The following ZNF892 variants were observed in gnomAD, a reference collection of about 807,000 sequenced individuals.
ZNF892 encodes zinc finger protein 570-like.
chr2:95,229,259 C>T, the ZNF892 span, among the ~76,000 whole-genome samples: 1 of 152,106 alleles, frequency 6.6e-6, no homozygotes. Flanking sequence ...CACTATGGGT[C>T]CATGGATTCC....
the ZNF892 span, among the ~76,000 whole-genome samples, chr2:95,252,674 A>G: frequency 3.9e-5 from 6 of 152,172 alleles, no homozygotes; most frequent in African/African-American, 1.4e-4. Flanking sequence ...GACTTCTACA[A>G]TGGTTGAACT....
the ZNF892 span, among the ~76,000 whole-genome samples, chr2:95,223,462 G>A: frequency 6.6e-6 from 1 of 152,048 alleles, no homozygotes; most frequent in Non-Finnish European, 1.5e-5. Flanking sequence ...GTGGTGGTGC[G>A]ATTTTGGCTC....
At chr2:95,211,799 T>A in the ZNF892 span, 8 of 397,922 alleles carry the variant, frequency 2.0e-5, no homozygotes, top group East Asian at 2.1e-4. Context: ...AGCTCCAAGG[T>A]CCTTATATTC....
the ZNF892 span, among the ~76,000 whole-genome samples, chr2:95,210,071 ATATATATG>A: frequency 9.9e-5 from 15 of 151,176 alleles, no homozygotes; most frequent in Admixed American, 2.0e-4. Context: ...TTCGATTCAT[ATATATATG>A]TATATATGTA....
At chr2:95,221,592 G>A in the ZNF892 span, among the ~76,000 whole-genome samples, 1 of 152,106 alleles carries the variant, frequency 6.6e-6, no homozygotes, top group East Asian at 1.9e-4. Flanking sequence ...CTAGAAAGTT[G>A]TAGGTTTTTC....
chr2:95,214,840 G>A, the ZNF892 span: 1 of 494,446 alleles, frequency 2.0e-6, no homozygotes, highest in Non-Finnish European at 3.7e-6. Flanking sequence ...CTGCACCAGA[G>A]AATTCATACT....
At chr2:95,225,521 T>C in the ZNF892 span, among the ~76,000 whole-genome samples, 1 of 152,248 alleles carries the variant, frequency 6.6e-6, no homozygotes, top group Non-Finnish European at 1.5e-5. Context: ...GAAGCCCTCA[T>C]GGCTTAATCA....
At chr2:95,249,623 C>T in the ZNF892 span, among the ~76,000 whole-genome samples, 13 of 152,114 alleles carry the variant, frequency 8.5e-5, no homozygotes, top group African/African-American at 2.7e-4. Context: ...TGAATCATCT[C>T]AATATTAACA....
chr2:95,220,214 T>C, the ZNF892 span, among the ~76,000 whole-genome samples: 1 of 152,132 alleles, frequency 6.6e-6, no homozygotes, highest in Non-Finnish European at 1.5e-5. Flanking sequence ...GTATAGGCGT[T>C]TGTTGGCGGG....
chr2:95,212,406 A>G, the ZNF892 span: 2 of 396,656 alleles, frequency 5.0e-6, no homozygotes, highest in Non-Finnish European at 8.9e-6. Flanking sequence ...CCCCTATGCC[A>G]CATCCTAGCT....
chr2:95,252,739 C>G, the ZNF892 span, among the ~76,000 whole-genome samples: 2 of 152,206 alleles, frequency 1.3e-5, no homozygotes, highest in African/African-American at 4.8e-5. Flanking sequence ...ACATCCTCTC[C>G]AGCACCTGTT....
the ZNF892 span, chr2:95,208,876 G>A: frequency 5.1e-6 from 2 of 395,266 alleles, no homozygotes; most frequent in African/African-American, 2.1e-5. Context: ...TGACCCCAAA[G>A]GAAGTGTTCT....
chr2:95,236,925 G>A, the ZNF892 span, among the ~76,000 whole-genome samples: 1 of 152,102 alleles, frequency 6.6e-6, no homozygotes, highest in African/African-American at 2.4e-5. Flanking sequence ...TTCACATACA[G>A]GCATATGTCA....
At chr2:95,253,258 G>C in the ZNF892 span, among the ~76,000 whole-genome samples, 3 of 152,128 alleles carry the variant, frequency 2.0e-5, no homozygotes, top group Non-Finnish European at 1.5e-5. Flanking sequence ...ATTAATTTTT[G>C]TATAAGGTGT....
chr2:95,215,560 A>C, the ZNF892 span: 1 of 405,014 alleles, frequency 2.5e-6, no homozygotes, highest in Non-Finnish European at 4.4e-6. Context: ...GCTCTTAGTG[A>C]GCATTTAACC....
At chr2:95,248,920 A>G in the ZNF892 span, among the ~76,000 whole-genome samples, 1 of 151,932 alleles carries the variant, frequency 6.6e-6, no homozygotes, top group East Asian at 1.9e-4. Flanking sequence ...TCAAAAACAC[A>G]TTCTACTTTT....
At chr2:95,244,630 T>C in the ZNF892 span, among the ~76,000 whole-genome samples, 1 of 152,122 alleles carries the variant, frequency 6.6e-6, no homozygotes, top group African/African-American at 2.4e-5. Flanking sequence ...AGACAGATCA[T>C]TGAGACAGAA....
At chr2:95,250,414 A>G in the ZNF892 span, among the ~76,000 whole-genome samples, 1 of 151,646 alleles carries the variant, frequency 6.6e-6, no homozygotes, top group East Asian at 1.9e-4. Context: ...CTCAGATCAT[A>G]TGAACATGAA....
chr2:95,217,037 G>A, the ZNF892 span, among the ~76,000 whole-genome samples: 1 of 152,160 alleles, frequency 6.6e-6, no homozygotes, highest in South Asian at 2.1e-4. Context: ...AGGCTGGGAC[G>A]TCCAAGATCA....
Sources: allele counts gnomAD v4.1 joint callset (sites outside exome capture counted in the v4.1 genomes callset), GRCh38; gene constraint gnomAD v4.1.1; transcripts MANE v1.5; gene names NCBI Gene and HGNC (gene_info 2026-07-23, HGNC 2026-07-21).